Variants in DLG1 observed in about 807,000 individuals in gnomAD.
DLG1 encodes the protein discs large MAGUK scaffold protein 1.
In DLG1, 42 loss-of-function variants were observed where a neutral mutation model predicts 123.4. That is an observed-to-expected ratio of 0.34 (90% CI 0.27 to 0.44). The LOEUF (loss-of-function observed/expected upper bound fraction) is 0.44, where lower values mean the gene tolerates loss of function less well. Among genes scored for constraint, DLG1 ranks in the 20% least tolerant of loss-of-function variants. The probability of loss-of-function intolerance (pLI) is 1.00; values close to 1 mark genes in which losing one functional copy is unlikely to be tolerated. For missense variants in DLG1, 942 were observed against 1,082.6 expected, an observed-to-expected ratio of 0.87 and a Z score of 1.82; for synonymous variants, 317 against 356.2, an observed-to-expected ratio of 0.89 and a Z score of 1.24.
At chr3:197,108,485 T>C (rs1767856151) in intron 13 of DLG1, among the ~76,000 whole-genome samples, 2 of 152,316 alleles carry the variant, frequency 1.3e-5, no homozygotes, top group South Asian at 4.1e-4. Context: ...TTTAAATCTA[T>C]TAAAATTCTC....
intron 4 of DLG1, among the ~76,000 whole-genome samples, chr3:197,195,373 G>A (rs771037781): frequency 1.3e-5 from 2 of 151,496 alleles, no homozygotes; most frequent in African/African-American, 2.4e-5. Flanking sequence ...CCCACTACTG[G>A]GAAAAAAACC....
At chr3:197,099,552 C>A (rs1464353980) in intron 14 of DLG1, among the ~76,000 whole-genome samples, 2 of 152,108 alleles carry the variant, frequency 1.3e-5, no homozygotes, top group South Asian at 2.1e-4. Flanking sequence ...CTGCTGGCTA[C>A]AAGTTAGTAT....
intron 4 of DLG1, among the ~76,000 whole-genome samples, chr3:197,264,647 A>G (rs1760932274): frequency 2.0e-5 from 3 of 152,024 alleles, no homozygotes; most frequent in Non-Finnish European, 4.4e-5. Flanking sequence ...GGCTGGTCTC[A>G]AACTCCTGAC....
At position 197,157,291 on chromosome 3, in the gene DLG1, C is replaced by T. The variant is rs530942375; in HGVS notation, c.484-7495G>A. Among the ~76,000 whole-genome samples the T allele has an allele frequency of 9.2e-5, 14 of 152,290 alleles. No individual in the cohort carries two copies. In the South Asian group the frequency reaches 2.9e-3, roughly 32 times the overall value. On this transcript the variant is annotated intron_variant, in intron 5 of 24. Coordinates refer to ENST00000667157, the MANE Select transcript of DLG1 (RefSeq NM_001366207.1). Reference sequence around the variant, plus strand: ...TATGTAAAACACCCTAAAGATTCTACACAAAAACTGTTAGAATTATTAAAC... The same window carrying T: ...TATGTAAAACACCCTAAAGATTCTATACAAAAACTGTTAGAATTATTAAAC...
At chr3:197,076,367 A>G (rs1163223353) in intron 18 of DLG1, among the ~76,000 whole-genome samples, 2 of 152,070 alleles carry the variant, frequency 1.3e-5, no homozygotes, top group African/African-American at 2.4e-5. Flanking sequence ...TTATAAACAT[A>G]TAACTGAAAA....
chr3:197,296,206 AAC>A lies in DLG1; in HGVS notation c.151+138_151+139del, dbSNP rs1349226370. The A allele has an allele frequency of 1.1e-5, 9 of 815,614 alleles. No individual in the cohort carries two copies. The East Asian group carries it at 2.0e-4, about 18-fold the overall frequency. 50.5% of individuals were successfully genotyped at this position (815,614 alleles called of 1,614,324 possible). A position where few individuals can be genotyped will look rare whatever the true frequency, so the allele number is the denominator to read the frequency against. On this transcript the variant is annotated intron_variant, in intron 3 of 24. Transcript: ENST00000667157. The stretch of plus-strand genomic sequence containing the variant: ...TAAGAAAGGACACTGGCCTATGAAA[AAC>A]ACACAACTCACTGAAGATGTTCAAG...
intron 11 of DLG1, among the ~76,000 whole-genome samples, chr3:197,126,423 C>T (rs945042844): frequency 1.3e-5 from 2 of 151,440 alleles, no homozygotes; most frequent in Non-Finnish European, 2.9e-5. Flanking sequence ...TCCGAGATCA[C>T]GCCACTGCAC....
chr3:197,109,105 G>A (rs1768292020), intron 13 of DLG1, among the ~76,000 whole-genome samples: 1 of 152,184 alleles, frequency 6.6e-6, no homozygotes, highest in South Asian at 2.1e-4. Flanking sequence ...TAATCCCAGT[G>A]ACTCAGGTGG....
At chr3:197,074,021 G>A (rs994476484) in intron 18 of DLG1, among the ~76,000 whole-genome samples, 1 of 152,068 alleles carries the variant, frequency 6.6e-6, no homozygotes, top group Non-Finnish European at 1.5e-5. Flanking sequence ...GTAAGTAACT[G>A]AGGCCACAAG....
At position 197,139,503 on chromosome 3, in the gene DLG1, A is replaced by C. The variant is rs1164038803; in HGVS notation, c.713+637T>G. On this transcript the variant is annotated intron_variant, in intron 8 of 24. Coordinates refer to ENST00000667157, the MANE Select transcript of DLG1 (RefSeq NM_001366207.1). ...TAAAACTTCAGGGTATTTGAACAAC[A>C]AACAAGGAAATAGGAAAAATGACAT... Among the ~76,000 whole-genome samples the C allele has an allele frequency of 1.3e-5, 2 of 152,218 alleles. 1 individual carries two copies. Among genetic ancestry groups the C allele is most frequent in the South Asian group, 4.1e-4 (2 of 4,832 alleles).
chr3:197,171,309 T>C (rs1804076596), intron 5 of DLG1, among the ~76,000 whole-genome samples: 1 of 152,226 alleles, frequency 6.6e-6, no homozygotes, highest in East Asian at 1.9e-4. Context: ...GGTTTAAATC[T>C]GTTTTTTTAT....
At chr3:197,048,414 T>C (rs1447492631) in intron 24 of DLG1, among the ~76,000 whole-genome samples, 1 of 152,092 alleles carries the variant, frequency 6.6e-6, no homozygotes, top group Non-Finnish European at 1.5e-5. Flanking sequence ...GAGGTTGCAG[T>C]GAGCTGAGAT....
intron 2 of DLG1, 199 bp from the exon 3 acceptor site, chr3:197,296,676 T>C: frequency 2.1e-6 from 1 of 484,964 alleles, no homozygotes; most frequent in Admixed American, 3.6e-5. Flanking sequence ...AAGAAAAATT[T>C]AAACATATAT....
intron 4 of DLG1, among the ~76,000 whole-genome samples, chr3:197,280,927 T>A (rs1451859357): frequency 6.6e-6 from 1 of 151,964 alleles, no homozygotes; most frequent in African/African-American, 2.4e-5. Flanking sequence ...AAGTCCAAGA[T>A]CCAGGTATCT....
chr3:197,109,277 C>T (rs749379077), intron 13 of DLG1, among the ~76,000 whole-genome samples: 12 of 152,128 alleles, frequency 7.9e-5, no homozygotes, highest in Non-Finnish European at 1.5e-4. Flanking sequence ...GGCTGAGGCA[C>T]GAGGATTGCC....
At chr3:197,284,863 T>G (rs1357765482) in intron 3 of DLG1, among the ~76,000 whole-genome samples, 4 of 152,134 alleles carry the variant, frequency 2.6e-5, no homozygotes, top group Non-Finnish European at 4.4e-5. Context: ...TGCAAGTGCT[T>G]TCCCTGTTTT....
At chr3:197,101,101 T>G (rs962146552) in intron 14 of DLG1, among the ~76,000 whole-genome samples, 18 of 151,566 alleles carry the variant, frequency 1.2e-4, no homozygotes, top group Non-Finnish European at 7.4e-5. Context: ...TGTTAATCTG[T>G]TTTTTTTGTC....
intron 4 of DLG1, among the ~76,000 whole-genome samples, chr3:197,226,998 A>G (rs570882315): frequency 6.6e-6 from 1 of 152,318 alleles, no homozygotes; most frequent in Admixed American, 6.5e-5. Context: ...TACCTTCGCT[A>G]TAATTTAAAT....
intron 4 of DLG1, among the ~76,000 whole-genome samples, chr3:197,277,228 C>T (rs866450319): frequency 1.3e-5 from 2 of 151,296 alleles, no homozygotes; most frequent in Middle Eastern, 6.8e-3. Flanking sequence ...TTTTTTTAAC[C>T]TTTGAATCTC....
Sources: gnomAD v4.1 joint callset for allele counts (sites outside exome capture counted in the v4.1 genomes callset) on GRCh38, gnomAD v4.1.1 for gene constraint, MANE v1.5 for transcripts, NCBI Gene and HGNC (gene_info 2026-07-23, HGNC 2026-07-21) for gene names.